MYL6: variants seen among roughly 807,000 people sequenced by gnomAD.
MYL6 encodes the protein myosin light polypeptide 6.
In MYL6, 20 loss-of-function variants were observed where a neutral mutation model predicts 20.3. The ratio of observed to expected loss-of-function variants is 0.98; its 90% CI spans 0.69 to 1.43. The LOEUF is 1.43. Among genes scored for constraint, MYL6 ranks in the 40% most tolerant of loss-of-function variants. MYL6 has a pLI of 0.00. For missense variants in MYL6, 164 were observed against 191.0 expected (o/e 0.86, Z 0.83); for synonymous variants, 77 against 72.4 (o/e 1.06, Z -0.32).
chr12:56,159,584 C>CA lies in MYL6; in HGVS notation c.32-2dup, dbSNP rs757786400. ...CTGTGTTGACATTCATCTGAATCCT[C>CA]AGAGTTCAAGGAGGCCTTCCAGCTG... On this transcript the variant is annotated splice_region_variant and splice_polypyrimidine_tract_variant and intron_variant, in intron 2 of 6. Coordinates refer to ENST00000550697, the MANE Select transcript of MYL6 (RefSeq NM_021019.5). 2.5e-6 allele frequency: 4 copies of CA among 1,612,628 alleles called. No homozygotes were observed. Among genetic ancestry groups the CA allele is most frequent in the African/African-American group, 1.3e-5 (1 of 74,858 alleles).
intron 2 of MYL6, 194 bp from the exon 3 acceptor site, chr12:56,159,393 G>A (rs768594775): frequency 3.0e-6 from 2 of 659,524 alleles, no homozygotes. Flanking sequence ...CTGCCAGAAG[G>A]GGAGGAAGCC....
chr12:56,160,188 C>A (rs1023478445), intron 4 of MYL6, 40 bp downstream of exon 4: 2 of 1,613,474 alleles, frequency 1.2e-6, no homozygotes, highest in South Asian at 1.1e-5. Flanking sequence ...GAGATGGCAC[C>A]CTGAGGTACC....
chr12:56,161,011 C>T, intron 6 of MYL6: 1 of 559,390 alleles, frequency 1.8e-6, no homozygotes, highest in Non-Finnish European at 3.2e-6. Context: ...GGGTTGCCTG[C>T]CCCATTCTGC....
chr12:56,160,835 G>A (rs1871764039), intron 6 of MYL6, 165 bp downstream of exon 6: 6 of 740,032 alleles, frequency 8.1e-6, no homozygotes, highest in Non-Finnish European at 1.3e-5. Context: ...CAAAGAGGAA[G>A]ACAACCTGGG....
chr12:56,158,499 G>T (rs779126309), intron 1 of MYL6, 95 bp downstream of exon 1: 1 of 1,590,160 alleles, frequency 6.3e-7, no homozygotes, highest in East Asian at 2.2e-5. Flanking sequence ...AGGAGGCAAA[G>T]GGAATCTGAG....
chr12:56,158,592 G>T, intron 1 of MYL6, 92 bp from the exon 2 acceptor site: 1 of 1,594,128 alleles, frequency 6.3e-7, no homozygotes, highest in Non-Finnish European at 8.5e-7. Flanking sequence ...GAGTTTGTGG[G>T]TCAGAGTTTG....
chr12:56,160,548 A>G (rs1755628241), intron 5 of MYL6, 78 bp from the exon 6 acceptor site: 6 of 1,498,370 alleles, frequency 4.0e-6, no homozygotes, highest in Non-Finnish European at 4.7e-6. Flanking sequence ...AAATAATGGA[A>G]TGTCTGTCCC....
At chr12:56,159,483 A>C in intron 2 of MYL6, 104 bp from the exon 3 acceptor site, 2 of 1,453,350 alleles carry the variant, frequency 1.4e-6, no homozygotes, top group Non-Finnish European at 1.9e-6. Flanking sequence ...TGGTGCAGAT[A>C]TCTCGTTTCC....
Position 56,161,417 on chromosome 12 carries a change from G to A in MYL6, c.*47G>A, listed in dbSNP as rs1481501625. The stretch of plus-strand genomic sequence containing the variant: ...GTCCGCATGGTGCTGAATGGCTGAG[G>A]ACCTTCCCAGTCTCCCCAGAGTCCG... On this transcript the variant is annotated 3_prime_UTR_variant, in exon 7 of 7. Transcript: ENST00000550697. The A allele has an allele frequency of 1.9e-6, 3 of 1,614,140 alleles. No individual in the cohort carries two copies. Among genetic ancestry groups the A allele is most frequent in the Non-Finnish European group, 8.5e-7 (1 of 1,180,022 alleles).
Position 56,160,241 on chromosome 12 carries a change from A to C in MYL6, c.350-2A>C. The C allele has an allele frequency of 6.2e-7, 1 of 1,614,170 alleles. No homozygotes were observed. Among genetic ancestry groups the C allele is most frequent in the Non-Finnish European group, 8.5e-7 (1 of 1,180,008 alleles). ...CCAAAAATGCTTTCTTTCCCCCTGCAGGTGAGAAGATGACAGAGGAAGAAG... is the reference window on the plus strand; with the variant it reads ...CCAAAAATGCTTTCTTTCCCCCTGCCGGTGAGAAGATGACAGAGGAAGAAG... On this transcript the variant is annotated splice_acceptor_variant, in intron 4 of 6. Coordinates refer to ENST00000550697, the MANE Select transcript of MYL6 (RefSeq NM_021019.5). LOFTEE classifies it high-confidence loss of function.
chr12:56,160,997 GT>G (rs768231248), intron 6 of MYL6: 3 of 563,778 alleles, frequency 5.3e-6, no homozygotes, highest in Non-Finnish European at 9.6e-6. Flanking sequence ...GCATAGAGGG[GT>G]ATGGGTTGCC....
intron 2 of MYL6, 126 bp from the exon 3 acceptor site, chr12:56,159,461 T>C (rs908104150): frequency 1.2e-4 from 154 of 1,273,670 alleles, no homozygotes; most frequent in Non-Finnish European, 1.6e-4. Context: ...AAGTAGACTT[T>C]GGTGTACAGT....
At chr12:56,159,046 C>G (rs1474072286) in intron 2 of MYL6, 2 of 791,690 alleles carry the variant, frequency 2.5e-6, no homozygotes, top group Non-Finnish European at 1.8e-6. Flanking sequence ...ACTTCTGCCT[C>G]TTTTCTCCTC....
rs773194494 is a variant in MYL6 at position 56,159,637 on chromosome 12, C to T, written c.82C>T (p.Leu28=). Residue 28 remains leucine (L), a synonymous_variant, in exon 3 of 7, where the codon CTG becomes TTG. Transcript: ENST00000550697. ...LFDRTGDGKI[L]YSQCGDVMRA... is the part of the protein sequence containing the mutation. ...TGACCGAACAGGTGATGGCAAGATC[C>T]TGTACAGCCAGTGTGGGGATGTGAT... 1.9e-6 allele frequency: 3 copies of T among 1,614,152 alleles called. No individual in the cohort carries two copies. In the East Asian group the frequency reaches 6.7e-5, roughly 36 times the overall value.
chr12:56,160,998 T>C (rs1223911047), intron 6 of MYL6: 6 of 562,438 alleles, frequency 1.1e-5, no homozygotes, highest in Non-Finnish European at 1.9e-5. Context: ...CATAGAGGGG[T>C]ATGGGTTGCC....
At chr12:56,158,923 G>A in intron 2 of MYL6, 1 of 1,427,088 alleles carries the variant, frequency 7.0e-7, no homozygotes. Flanking sequence ...AGCACTGGGT[G>A]AGTTTTAGGT....
At chr12:56,160,750 C>T in intron 6 of MYL6, 80 bp downstream of exon 6, 11 of 1,454,158 alleles carry the variant, frequency 7.6e-6, no homozygotes, top group Non-Finnish European at 1.1e-5. Flanking sequence ...TTATCCCCTG[C>T]CCTTACCCTA....
In MYL6 at chr12:56,158,975, G is replaced by C. The variant is rs1170491618; in HGVS notation, c.31+264G>C. On this transcript the variant is annotated intron_variant, in intron 2 of 6. Coordinates refer to ENST00000550697, the MANE Select transcript of MYL6 (RefSeq NM_021019.5). ...AAAACTTGGTCACTTAATGCCTGCT[G>C]TGTGTGGGGTCTCGGGAGGGTGTAT... 7 of 1,374,612 alleles carry C rather than the reference G, an allele frequency of 5.1e-6. No homozygotes were observed. The South Asian group carries it at 8.4e-5, about 16-fold the overall frequency. 85.2% of individuals were successfully genotyped at this position (1,374,612 alleles called of 1,614,324 possible).
chr12:56,159,971 G>T lies in MYL6; in HGVS notation c.176-4G>T. 6.2e-7 allele frequency: 1 copy of T among 1,610,076 alleles called. No homozygotes were observed. Among genetic ancestry groups the T allele is most frequent in the Non-Finnish European group, 8.5e-7 (1 of 1,178,104 alleles). On this transcript the variant is annotated splice_region_variant and splice_polypyrimidine_tract_variant and intron_variant, in intron 3 of 6. Transcript: ENST00000550697. ...GCCTGACACTTCCACCTCCTTTATG[G>T]CAGAGATGAATGTGAAGGTGCTGGA...
Sources: gnomAD v4.1 joint callset for allele counts on GRCh38, gnomAD v4.1.1 for gene constraint, MANE v1.5 for transcripts, NCBI Gene and HGNC (gene_info 2026-07-23, HGNC 2026-07-21) for gene names.